Variants in PDLIM5 observed in about 807,000 individuals in gnomAD.
The protein encoded by PDLIM5 is PDZ and LIM domain protein 5.
PDLIM5 carries 34 observed loss-of-function variants against 64.2 expected under a neutral mutation model. The observed-to-expected ratio is 0.53, with a 90% CI of 0.40 to 0.71. The LOEUF (loss-of-function observed/expected upper bound fraction) is 0.71, where lower values mean the gene tolerates loss of function less well. Among genes scored for constraint, PDLIM5 ranks in the 30% least tolerant of loss-of-function variants. The pLI is 0.00. For missense variants in PDLIM5, 683 were observed against 733.6 expected (o/e 0.93, Z 0.80); for synonymous variants, 253 against 269.1 (o/e 0.94, Z 0.59).
intron 3 of PDLIM5, among the ~76,000 whole-genome samples, chr4:94,561,812 A>G (rs1216315967): frequency 2.6e-5 from 4 of 152,192 alleles, no homozygotes; most frequent in Non-Finnish European, 4.4e-5. Flanking sequence ...CAAAGAGGGG[A>G]AATCTCTCTT....
chr4:94,553,391 G>A (rs1429629833), intron 3 of PDLIM5, among the ~76,000 whole-genome samples: 1 of 152,198 alleles, frequency 6.6e-6, no homozygotes, highest in Non-Finnish European at 1.5e-5. Context: ...TTACAGGCGT[G>A]AGCCACCGCA....
At chr4:94,535,788 G>A (rs1169137429) in intron 3 of PDLIM5, among the ~76,000 whole-genome samples, 1 of 151,102 alleles carries the variant, frequency 6.6e-6, no homozygotes, top group African/African-American at 2.4e-5. Context: ...TACCTGCTGT[G>A]GAGCTCACAG....
chr4:94,529,147 G>A (rs1730633216), intron 3 of PDLIM5, among the ~76,000 whole-genome samples: 1 of 152,188 alleles, frequency 6.6e-6, no homozygotes, highest in Admixed American at 6.5e-5. Context: ...AGAAAGCTCC[G>A]GAAAGTTATA....
chr4:94,566,559 T>C (rs893246608), intron 3 of PDLIM5, among the ~76,000 whole-genome samples: 3 of 152,212 alleles, frequency 2.0e-5, no homozygotes, highest in Non-Finnish European at 4.4e-5. Flanking sequence ...CATTACCTCA[T>C]TGCGTCCTCA....
At chr4:94,545,204 T>A (rs532531765) in intron 3 of PDLIM5, among the ~76,000 whole-genome samples, 1 of 152,352 alleles carries the variant, frequency 6.6e-6, no homozygotes, top group Middle Eastern at 3.4e-3. Context: ...TCTGTGATTT[T>A]CTTCAGGCTT....
intron 2 of PDLIM5, among the ~76,000 whole-genome samples, chr4:94,516,049 A>G (rs923438226): frequency 1.8e-4 from 28 of 152,246 alleles, no homozygotes; most frequent in Non-Finnish European, 3.8e-4. Context: ...AGTAAATCAC[A>G]GTTGATGAAG....
chr4:94,485,117 T>G (rs1237151422), intron 2 of PDLIM5, among the ~76,000 whole-genome samples: 2 of 152,148 alleles, frequency 1.3e-5, no homozygotes, highest in Non-Finnish European at 2.9e-5. Flanking sequence ...AAAGAGAAAC[T>G]AATGTCTTGA....
At chr4:94,524,171 A>C (rs920753970) in intron 3 of PDLIM5, among the ~76,000 whole-genome samples, 2 of 151,922 alleles carry the variant, frequency 1.3e-5, no homozygotes, top group Non-Finnish European at 2.9e-5. Flanking sequence ...GGAGTTTGAG[A>C]CCAGCTGGCC....
chr4:94,533,674 GCCTAT>G (rs1446373413), intron 3 of PDLIM5, among the ~76,000 whole-genome samples: 13 of 152,222 alleles, frequency 8.5e-5, no homozygotes, highest in Admixed American at 7.2e-4. Flanking sequence ...GAATGAAATA[GCCTAT>G]GTAAAGAACC....
chr4:94,634,644 T>C (rs1459158334), intron 8 of PDLIM5, among the ~76,000 whole-genome samples: 1 of 152,212 alleles, frequency 6.6e-6, no homozygotes, highest in African/African-American at 2.4e-5. Context: ...TTCATGCCTA[T>C]TCAAGTACAG....
chr4:94,649,006 C>T (rs983988860), intron 9 of PDLIM5, among the ~76,000 whole-genome samples: 11 of 151,550 alleles, frequency 7.3e-5, no homozygotes, highest in Non-Finnish European at 1.5e-4. Context: ...GACAGAGTCT[C>T]ACTCTGTTGC....
At chr4:94,577,821 C>CTT (rs986736065) in intron 5 of PDLIM5, among the ~76,000 whole-genome samples, 21 of 1,286 alleles carry the variant, frequency 0.016, 8 homozygotes, top group African/African-American at 0.042. Flanking sequence ...AAAAACTCTT[C>CTT]TTTTTTTTTT....
At chr4:94,459,691 A>G (rs1360102172) in intron 2 of PDLIM5, among the ~76,000 whole-genome samples, 3 of 152,230 alleles carry the variant, frequency 2.0e-5, no homozygotes, top group African/African-American at 7.2e-5. Context: ...TCAATATTCT[A>G]TGAAATGACA....
chr4:94,643,754 A>G (rs1458911569), intron 9 of PDLIM5, among the ~76,000 whole-genome samples: 1 of 152,202 alleles, frequency 6.6e-6, no homozygotes, highest in Non-Finnish European at 1.5e-5. Flanking sequence ...TTCCAGTGAG[A>G]GAAAAAATTT....
At chr4:94,570,416 T>G (rs181401323) in intron 3 of PDLIM5, among the ~76,000 whole-genome samples, 4 of 152,322 alleles carry the variant, frequency 2.6e-5, no homozygotes. Flanking sequence ...GGAGTGAGTG[T>G]GTGAGTGAGT....
intron 4 of PDLIM5, chr4:94,573,719 GA>G (rs1735005178): frequency 3.5e-6 from 1 of 287,530 alleles, no homozygotes; most frequent in South Asian, 6.1e-5. Context: ...AGTGGTTACT[GA>G]AAATTAATAT....
rs1404836288 is a variant in PDLIM5, at chr4:94,668,178, C to T, written c.*4111C>T. On this transcript the variant is annotated 3_prime_UTR_variant, in exon 13 of 13. Coordinates refer to ENST00000317968, the MANE Select transcript of PDLIM5 (RefSeq NM_006457.5). ...AATATAATCAGTATAGTAATAATACCATAATGTGCACATACTCAATAAATA... is the reference window on the plus strand; with the variant it reads ...AATATAATCAGTATAGTAATAATACTATAATGTGCACATACTCAATAAATA... 1 of 151,976 alleles carries T rather than the reference C, an allele frequency of 6.6e-6. No individual in the cohort carries two copies. Among genetic ancestry groups the T allele is most frequent in the Non-Finnish European group, 1.5e-5 (1 of 67,988 alleles). The allele number at this position is 151,976 out of a possible 1,614,324, so 9.4% of individuals were successfully genotyped here. A position where few individuals can be genotyped will look rare whatever the true frequency, so the allele number is the denominator to read the frequency against.
chr4:94,455,385 G>C lies in PDLIM5; in HGVS notation c.96+1G>C, dbSNP rs113653755. ...CAACATGCCTCTGACAATCTCTAGT[G>C]TAAGTAAACTTTACAAATTTTATTA... On this transcript the variant is annotated splice_donor_variant, in intron 2 of 12. Transcript: ENST00000317968. LOFTEE classifies it high-confidence loss of function. 1 of 1,590,562 alleles carries C rather than the reference G, an allele frequency of 6.3e-7. No individual in the cohort carries two copies. Among genetic ancestry groups the C allele is most frequent in the Non-Finnish European group, 8.6e-7 (1 of 1,158,538 alleles).
At chr4:94,511,180 T>A (rs1306651638) in intron 2 of PDLIM5, among the ~76,000 whole-genome samples, 2 of 152,230 alleles carry the variant, frequency 1.3e-5, no homozygotes, top group Non-Finnish European at 2.9e-5. Flanking sequence ...TCCTTTATAC[T>A]ACTAAGGGTT....
Sources: gnomAD v4.1 joint callset for allele counts (sites outside exome capture counted in the v4.1 genomes callset) on GRCh38, gnomAD v4.1.1 for gene constraint, MANE v1.5 for transcripts, NCBI Gene and HGNC (gene_info 2026-07-23, HGNC 2026-07-21) for gene names.